The following ITK variants were observed in gnomAD, a reference collection of about 807,000 sequenced individuals.
The protein encoded by ITK is tyrosine-protein kinase ITK/TSK.
In ITK, 45 loss-of-function variants were observed where a neutral mutation model predicts 87.6. That is an observed-to-expected ratio of 0.51 (90% CI 0.40 to 0.66). ITK has a LOEUF of 0.66. ITK is among the 30% of genes least tolerant of loss of function. ITK has a pLI of 0.00. For synonymous variants in ITK, 303 were observed against 273.6 expected (o/e 1.11, Z -1.06); for missense variants, 605 against 766.3 (o/e 0.79, Z 2.48).
intron 1 of ITK, among the ~76,000 whole-genome samples, chr5:157,182,581 G>A (rs1411265648): frequency 6.6e-6 from 1 of 152,128 alleles, no homozygotes; most frequent in East Asian, 1.9e-4. Flanking sequence ...TTGCTAGGTG[G>A]CCAGGAGCCC....
chr5:157,218,504 G>A (rs928588994), intron 5 of ITK, among the ~76,000 whole-genome samples: 9 of 120,008 alleles, frequency 7.5e-5, no homozygotes, highest in Admixed American at 1.8e-4. Flanking sequence ...GCAAGACCCC[G>A]TCTCCAGAAA....
intron 4 of ITK, among the ~76,000 whole-genome samples, chr5:157,217,192 A>G (rs1010138145): frequency 1.3e-5 from 2 of 152,060 alleles, no homozygotes; most frequent in African/African-American, 4.8e-5. Context: ...AAGGAGAGAG[A>G]GAAAGAGAAA....
intron 3 of ITK, among the ~76,000 whole-genome samples, chr5:157,212,273 G>A (rs1241156269): frequency 6.6e-6 from 1 of 152,238 alleles, no homozygotes; most frequent in Non-Finnish European, 1.5e-5. Context: ...AGCACTGGAT[G>A]TGTCAGAAGA....
intron 16 of ITK, among the ~76,000 whole-genome samples, chr5:157,251,362 T>C (rs150101346): frequency 5.6e-4 from 85 of 152,370 alleles, no homozygotes; most frequent in African/African-American, 1.9e-3. Flanking sequence ...TTACTTATTG[T>C]TGAGTTTTAA....
chr5:157,245,941 A>T lies in ITK; in HGVS notation c.1575A>T (p.Ala525=). Residue 525 remains alanine (A), a synonymous_variant, in exon 15 of 17, where the codon GCA becomes GCT. Transcript: ENST00000422843. Reference sequence around the variant, plus strand: ...GCACCAAATTCCCGGTGAAGTGGGCATCCCCAGAGGTTTTCTCTTTCAGTC... The same window carrying T: ...GCACCAAATTCCCGGTGAAGTGGGCTTCCCCAGAGGTTTTCTCTTTCAGTC... ...STGTKFPVKW[A]SPEVFSFSRY... The T allele has an allele frequency of 6.2e-7, 1 of 1,614,206 alleles. No individual in the cohort carries two copies. Among genetic ancestry groups the T allele is most frequent in the African/African-American group, 1.3e-5 (1 of 75,048 alleles).
intron 15 of ITK, among the ~76,000 whole-genome samples, chr5:157,246,908 G>A (rs750187190): frequency 1.3e-5 from 2 of 152,194 alleles, no homozygotes; most frequent in Non-Finnish European, 2.9e-5. Flanking sequence ...GCCATGAAGG[G>A]ATGAATGATG....
chr5:157,217,782 C>T (rs1379078386), intron 4 of ITK, 85 bp from the exon 5 acceptor site: 2 of 1,240,100 alleles, frequency 1.6e-6, no homozygotes, highest in Non-Finnish European at 2.4e-6. Flanking sequence ...CCCTTTTTCT[C>T]AGAAAAACCC....
At chr5:157,189,690 A>G (rs887330062) in intron 1 of ITK, among the ~76,000 whole-genome samples, 5 of 152,184 alleles carry the variant, frequency 3.3e-5, no homozygotes, top group Non-Finnish European at 5.9e-5. Flanking sequence ...CAAAACAGAA[A>G]AAAAGGAAAA....
At chr5:157,203,968 A>G (rs1041390316) in intron 1 of ITK, among the ~76,000 whole-genome samples, 17 of 152,188 alleles carry the variant, frequency 1.1e-4, no homozygotes, top group Non-Finnish European at 8.8e-5. Context: ...ATAACACACT[A>G]TAAATATTTT....
intron 16 of ITK, 115 bp from the exon 17 acceptor site, chr5:157,252,492 T>C (rs951232714): frequency 2.5e-6 from 2 of 785,960 alleles, no homozygotes; most frequent in Non-Finnish European, 4.6e-6. Flanking sequence ...ACAGTCAACA[T>C]GGAAGCACAT....
chr5:157,235,128 C>T (rs13165787), intron 8 of ITK, among the ~76,000 whole-genome samples: 2,490 of 152,254 alleles, frequency 0.016, 28 homozygotes, highest in Non-Finnish European at 0.027. Context: ...AATGAATACA[C>T]TGAAGGCTTA....
chr5:157,240,908 C>T (rs1041994076), intron 10 of ITK: 3 of 151,600 alleles, frequency 2.0e-5, no homozygotes, highest in African/African-American at 7.3e-5. Flanking sequence ...CTTTTCTTTT[C>T]TTTTCTTTCT....
chr5:157,196,263 A>G (rs1008455843), intron 1 of ITK, among the ~76,000 whole-genome samples: 5 of 152,180 alleles, frequency 3.3e-5, no homozygotes, highest in African/African-American at 1.2e-4. Context: ...TCTCTACAGA[A>G]GTTGTACCAG....
At chr5:157,213,331 C>T (rs972074992) in intron 3 of ITK, among the ~76,000 whole-genome samples, 4 of 152,190 alleles carry the variant, frequency 2.6e-5, no homozygotes, top group South Asian at 2.1e-4. Flanking sequence ...TCCCTCAACA[C>T]GCAGGAATCA....
At chr5:157,232,569 G>A (rs571826228) in intron 8 of ITK, among the ~76,000 whole-genome samples, 175 bp downstream of exon 8, 158 of 136,362 alleles carry the variant, frequency 1.2e-3, no homozygotes, top group African/African-American at 1.9e-3. Context: ...GCAAGATCAA[G>A]ACCCTGTCAA....
chr5:157,248,559 A>G (rs1019760887), intron 15 of ITK, among the ~76,000 whole-genome samples: 1 of 152,122 alleles, frequency 6.6e-6, no homozygotes, highest in African/African-American at 2.4e-5. Context: ...CCTGCACTCC[A>G]TTCATTTACA....
chr5:157,218,989 T>G (rs1754357497), intron 5 of ITK, among the ~76,000 whole-genome samples: 1 of 151,800 alleles, frequency 6.6e-6, no homozygotes, highest in African/African-American at 2.4e-5. Flanking sequence ...TAGTACCTAC[T>G]CTAGGGCAGC....
At chr5:157,208,813 G>C in intron 1 of ITK, 76 bp from the exon 2 acceptor site, 1 of 1,011,044 alleles carries the variant, frequency 9.9e-7, no homozygotes, top group Admixed American at 1.9e-5. Flanking sequence ...TTATCTAGCA[G>C]TAGATTTCTG....
intron 13 of ITK, 59 bp downstream of exon 13, chr5:157,244,537 A>AATGACTG: frequency 1.1e-6 from 1 of 929,420 alleles, no homozygotes; most frequent in African/African-American, 1.6e-5. Flanking sequence ...TTCTCACTGA[A>AATGACTG]ATGACTGGGA....
Sources: gnomAD v4.1 joint callset for allele counts (sites outside exome capture counted in the v4.1 genomes callset) on GRCh38, gnomAD v4.1.1 for gene constraint, MANE v1.5 for transcripts, NCBI Gene and HGNC (gene_info 2026-07-23, HGNC 2026-07-21) for gene names.